MAGI1: variants seen among roughly 807,000 people sequenced by gnomAD.
MAGI1 encodes the protein membrane associated guanylate kinase, WW and PDZ domain containing 1, also known as membrane-associated guanylate kinase, WW and PDZ domain-containing protein 1.
A neutral mutation model predicts 139.9 loss-of-function variants in MAGI1; 58 were observed. That is an observed-to-expected ratio of 0.41 (90% confidence interval 0.34 to 0.52). MAGI1 has a LOEUF of 0.52. MAGI1 is among the 20% of genes least tolerant of loss of function. The pLI, the probability that MAGI1 is intolerant of heterozygous loss-of-function variation, is 0.12. For synonymous variants in MAGI1, 812 were observed against 737.9 expected (o/e 1.10, Z -1.63); for missense variants, 1,874 against 1,901.6 (o/e 0.99, Z 0.27).
At chr3:65,590,476 G>C (rs1182805155) in intron 2 of MAGI1, among the ~76,000 whole-genome samples, 2 of 152,124 alleles carry the variant, frequency 1.3e-5, no homozygotes, top group South Asian at 4.1e-4. Context: ...TCTTGGTTGT[G>C]CCAACTATTT....
intron 1 of MAGI1, among the ~76,000 whole-genome samples, chr3:65,953,753 GCTGCCA>G (rs1220147984): frequency 6.6e-6 from 1 of 152,162 alleles, no homozygotes; most frequent in Non-Finnish European, 1.5e-5. Context: ...AGTGTAGCTT[GCTGCCA>G]CTCTGTAGCA....
intron 1 of MAGI1, among the ~76,000 whole-genome samples, chr3:65,732,651 T>C (rs1309388796): frequency 1.3e-5 from 2 of 152,212 alleles, no homozygotes; most frequent in Admixed American, 6.5e-5. Flanking sequence ...CAAAACTCTT[T>C]TGAGACTTCT....
At chr3:65,730,065 G>C (rs1416279036) in intron 1 of MAGI1, among the ~76,000 whole-genome samples, 2 of 152,110 alleles carry the variant, frequency 1.3e-5, no homozygotes, top group Non-Finnish European at 2.9e-5. Context: ...TTCTTTCCAG[G>C]CCAAAAGAAA....
chr3:65,686,537 C>T (rs1183806336), intron 1 of MAGI1, among the ~76,000 whole-genome samples: 4 of 152,136 alleles, frequency 2.6e-5, no homozygotes, highest in Non-Finnish European at 5.9e-5. Flanking sequence ...ATGATACTCC[C>T]GCCTTGGCCT....
chr3:65,493,483 C>G (rs1952205844), intron 3 of MAGI1, 29 bp downstream of exon 3: 2 of 1,613,986 alleles, frequency 1.2e-6, no homozygotes, highest in Non-Finnish European at 1.7e-6. Flanking sequence ...AGGAGAGAAG[C>G]TTTTTATGCT....
chr3:65,742,311 GC>G (rs1352210939), intron 1 of MAGI1, among the ~76,000 whole-genome samples: 1 of 151,930 alleles, frequency 6.6e-6, no homozygotes, highest in African/African-American at 2.4e-5. Flanking sequence ...GAACTCCTGC[GC>G]CCATGTTTTG....
chr3:65,673,359 T>A (rs769710219), intron 1 of MAGI1, among the ~76,000 whole-genome samples: 4 of 152,250 alleles, frequency 2.6e-5, no homozygotes, highest in Non-Finnish European at 4.4e-5. Context: ...TTGTGCTGTA[T>A]ACCAGAGTAA....
intron 1 of MAGI1, among the ~76,000 whole-genome samples, chr3:66,013,212 T>C (rs937944191): frequency 3.3e-5 from 5 of 151,292 alleles, no homozygotes; most frequent in African/African-American, 1.2e-4. Context: ...GAGACCAGCC[T>C]GACCAACATG....
intron 1 of MAGI1, among the ~76,000 whole-genome samples, chr3:65,740,704 T>G (rs2035188944): frequency 6.6e-6 from 1 of 152,204 alleles, no homozygotes; most frequent in African/African-American, 2.4e-5. Flanking sequence ...TTCTGAAAAC[T>G]TCAGGAAACC....
intron 1 of MAGI1, among the ~76,000 whole-genome samples, chr3:65,817,830 TA>T (rs2041702062): frequency 1.3e-5 from 2 of 152,204 alleles, no homozygotes; most frequent in African/African-American, 2.4e-5. Context: ...GTTTTTAAGC[TA>T]ATGACATTGC....
intron 2 of MAGI1, among the ~76,000 whole-genome samples, chr3:65,557,887 GTAAT>G (rs1427485299): frequency 1.3e-5 from 2 of 152,176 alleles, no homozygotes; most frequent in African/African-American, 4.8e-5. Flanking sequence ...AAATCAATCA[GTAAT>G]TAATAGAAGA....
At chr3:65,969,941 G>A (rs1181010642) in intron 1 of MAGI1, among the ~76,000 whole-genome samples, 1 of 152,148 alleles carries the variant, frequency 6.6e-6, no homozygotes, top group East Asian at 1.9e-4. Context: ...AGCATACCAT[G>A]GGGGCTTAAT....
intron 1 of MAGI1, among the ~76,000 whole-genome samples, chr3:65,656,017 CATT>C (rs2085855250): frequency 6.6e-6 from 1 of 152,180 alleles, no homozygotes; most frequent in African/African-American, 2.4e-5. Context: ...TTGTGTCAGA[CATT>C]AGTGCTGTCT....
intron 1 of MAGI1, among the ~76,000 whole-genome samples, chr3:65,931,737 C>T (rs893750044): frequency 2.6e-5 from 4 of 152,030 alleles, no homozygotes; most frequent in African/African-American, 9.7e-5. Context: ...AAAACAGTTC[C>T]GCTATTATTC....
In MAGI1 at chr3:65,375,763, G is replaced by A. The variant is rs774357236; in HGVS notation, c.3178C>T (p.Arg1060Cys). The change falls in exon 18 of 23, where the codon CGC becomes TGC. Residue 1060 changes from arginine to cysteine, a missense_variant. Physicochemically the swap from Arg to Cys is radical, Grantham distance 180. Transcript: ENST00000402939. ...IKEAGNTVTL[R>C]IIPGDESSNA... ...ACTTTACCATCCCCAGGAATGATGC[G>A]GAGGGTAACTGTGTTTCCCGCTTCC... The A allele has an allele frequency of 1.5e-5, 25 of 1,612,940 alleles. No homozygotes were observed. The highest frequency in any genetic ancestry group is 2.7e-5 in the African/African-American group (2 of 74,838).
At chr3:66,035,872 G>A (rs1011306532) in intron 1 of MAGI1, among the ~76,000 whole-genome samples, 1 of 152,122 alleles carries the variant, frequency 6.6e-6, no homozygotes, top group Admixed American at 6.5e-5. Flanking sequence ...TAAACTCCAT[G>A]ATGAGAGAGC....
intron 1 of MAGI1, among the ~76,000 whole-genome samples, chr3:65,816,353 C>A (rs1351251184): frequency 6.6e-6 from 1 of 152,002 alleles, no homozygotes; most frequent in East Asian, 1.9e-4. Context: ...CCAATGGCAA[C>A]AATGGCTACT....
chr3:65,819,563 A>G (rs971814767), intron 1 of MAGI1, among the ~76,000 whole-genome samples: 8 of 151,640 alleles, frequency 5.3e-5, no homozygotes, highest in Non-Finnish European at 8.8e-5. Flanking sequence ...GCTGAAATCC[A>G]CCCCAGCATT....
chr3:65,395,636 C>CTAAAAAAAAAAAAAAAAAAAAAAAA (rs1944322666), intron 13 of MAGI1, among the ~76,000 whole-genome samples: 1 of 19,172 alleles, frequency 5.2e-5, no homozygotes, highest in Non-Finnish European at 1.1e-4. Flanking sequence ...GACTCCATCT[C>CTAAAAAAAAAAAAAAAAAAAAAAAA]AAAAAAAAAA....
Sources: allele counts gnomAD v4.1 joint callset (sites outside exome capture counted in the v4.1 genomes callset), GRCh38; gene constraint gnomAD v4.1.1; transcripts MANE v1.5; gene names NCBI Gene and HGNC (gene_info 2026-07-23, HGNC 2026-07-21).